ELFN2: variants seen among roughly 807,000 people sequenced by gnomAD.
The protein encoded by ELFN2 is protein phosphatase 1 regulatory subunit 29.
In ELFN2, 17 loss-of-function variants were observed where a neutral mutation model predicts 45.5. The observed-to-expected ratio is 0.37, with a 90% CI of 0.26 to 0.56. The LOEUF is 0.56. ELFN2 is among the 20% of genes least tolerant of loss of function. ELFN2 has a pLI of 0.77. For missense variants in ELFN2, 922 were observed against 1,183.2 expected, an observed-to-expected ratio of 0.78 and a Z score of 3.24; for synonymous variants, 550 against 551.5, an observed-to-expected ratio of 1.00 and a Z score of 0.04.
chr22:37,391,127 T>C (rs1490143495), intron 2 of ELFN2, among the ~76,000 whole-genome samples: 1 of 152,176 alleles, frequency 6.6e-6, no homozygotes, highest in Non-Finnish European at 1.5e-5. Context: ...GGCCTTCTGG[T>C]TGGGGCTCTG....
At chr22:37,412,025 C>G (rs1057356663) in intron 2 of ELFN2, among the ~76,000 whole-genome samples, 3 of 151,966 alleles carry the variant, frequency 2.0e-5, no homozygotes, top group Non-Finnish European at 4.4e-5. Context: ...AGAGGACCAT[C>G]TCTCCTCCGA....
intron 1 of ELFN2, among the ~76,000 whole-genome samples, chr22:37,348,781 G>GGGAGAGGACATGGAGGTCAGCC (rs1930754146): frequency 1.3e-5 from 2 of 150,742 alleles, no homozygotes; most frequent in African/African-American, 4.8e-5. Flanking sequence ...GGGGGAAGGT[G>GGGAGAGGACATGGAGGTCAGCC]GGAGAGGACA....
At chr22:37,379,179 C>T (rs555040277) in intron 2 of ELFN2, among the ~76,000 whole-genome samples, 3 of 152,266 alleles carry the variant, frequency 2.0e-5, no homozygotes, top group South Asian at 2.1e-4. Flanking sequence ...ACAGAGGCAC[C>T]GACGGCAGTG....
At chr22:37,392,030 G>A (rs1290407942) in intron 2 of ELFN2, among the ~76,000 whole-genome samples, 2 of 152,192 alleles carry the variant, frequency 1.3e-5, no homozygotes, top group Admixed American at 6.5e-5. Context: ...ATAACCCACG[G>A]GCAACTCCCC....
At chr22:37,425,074 G>A (rs1932838112) in intron 1 of ELFN2, among the ~76,000 whole-genome samples, 1 of 152,188 alleles carries the variant, frequency 6.6e-6, no homozygotes, top group African/African-American at 2.4e-5. Context: ...ACAGAAAGCA[G>A]CAAAATGGGA....
Position 37,374,184 on chromosome 22 carries a change from A to G in ELFN2, c.1351T>C (p.Ser451Pro). The G allele has an allele frequency of 6.2e-7, 1 of 1,612,800 alleles. No individual in the cohort carries two copies. ...AGCTTCTGGGCGGCGTGCACAATGGAGCCGGCATCCACATCAGCCCCGTAG... is the reference window on the plus strand; with the variant it reads ...AGCTTCTGGGCGGCGTGCACAATGGGGCCGGCATCCACATCAGCCCCGTAG... ...MRYGADVDAG[S>P]IVHAAQKLGE... is the part of the protein sequence containing the mutation. The change falls in exon 3 of 3, where the codon TCC becomes CCC. Residue 451 changes from serine to proline, a missense_variant. Coordinates refer to ENST00000402918, the MANE Select transcript of ELFN2 (RefSeq NM_052906.5).
intron 2 of ELFN2, among the ~76,000 whole-genome samples, chr22:37,384,272 C>T (rs569131070): frequency 2.6e-5 from 4 of 152,116 alleles, no homozygotes; most frequent in Non-Finnish European, 5.9e-5. Flanking sequence ...GAGCAGGGCC[C>T]ACTCCCTGGC....
At chr22:37,366,716 C>T (rs1363783268), downstream of ELFN2, among the ~76,000 whole-genome samples, 1 of 152,244 alleles carries the variant, frequency 6.6e-6, no homozygotes, top group African/African-American at 2.4e-5. Flanking sequence ...CCTCCTCCTC[C>T]CTTGGTGCAG....
Position 37,374,254 on chromosome 22 carries a change from C to G in ELFN2, c.1281G>C (p.Glu427Asp). Residue 427 changes from glutamate (E) to aspartate (D), a missense_variant, in exon 3 of 3, where the codon GAG becomes GAC. Physicochemically the swap from Glu to Asp is conservative, Grantham distance 45 (BLOSUM62 2). Transcript: ENST00000402918. ...TCTTGACGTTGACAGACTTCTGCTT[C>G]TCCTCCTGCATGCGCCGCTTGCGCA... ...YCLRKRRMQE[E>D]KQKSVNVKKT... 1.2e-6 allele frequency: 2 copies of G among 1,614,010 alleles called. No individual in the cohort carries two copies. Among genetic ancestry groups the G allele is most frequent in the Non-Finnish European group, 1.7e-6 (2 of 1,180,048 alleles).
intron 1 of ELFN2, among the ~76,000 whole-genome samples, chr22:37,344,330 G>C (rs73164575): frequency 0.048 from 7,231 of 149,702 alleles, 235 homozygotes; most frequent in Middle Eastern, 0.13. Context: ...TACACACACT[G>C]CTCCCACAGA....
intron 1 of ELFN2, among the ~76,000 whole-genome samples, chr22:37,420,060 C>T (rs936838962): frequency 1.1e-4 from 16 of 152,298 alleles, no homozygotes; most frequent in African/African-American, 3.8e-4. Flanking sequence ...GCCAGCCGGG[C>T]GCAAGTTCCG....
intron 2 of ELFN2, among the ~76,000 whole-genome samples, chr22:37,383,679 G>C (rs566977830): frequency 6.6e-6 from 1 of 152,222 alleles, no homozygotes; most frequent in Non-Finnish European, 1.5e-5. Context: ...CGTTGCTTAC[G>C]CGTTCCACAT....
intron 2 of ELFN2, among the ~76,000 whole-genome samples, chr22:37,387,767 T>C (rs1474406741): frequency 6.6e-6 from 1 of 151,656 alleles, no homozygotes; most frequent in African/African-American, 2.4e-5. Flanking sequence ...GCTCACTGCC[T>C]CTCTCAAACC....
At chr22:37,363,692 C>A (rs9607453), downstream of ELFN2, among the ~76,000 whole-genome samples, 51,637 of 152,042 alleles carry the variant, frequency 0.34, 9,056 homozygotes, top group South Asian at 0.5. Flanking sequence ...GGAGGTTGGG[C>A]CCTAGGAGTC....
chr22:37,412,832 G>T (rs891719278), intron 2 of ELFN2, among the ~76,000 whole-genome samples: 3 of 152,204 alleles, frequency 2.0e-5, no homozygotes, highest in Non-Finnish European at 4.4e-5. Context: ...TGGGAGCCCG[G>T]CACTCTAAGC....
chr22:37,416,513 T>G (rs1419067554), intron 2 of ELFN2, among the ~76,000 whole-genome samples: 1 of 152,044 alleles, frequency 6.6e-6, no homozygotes, highest in African/African-American at 2.4e-5. Flanking sequence ...GATGAGAGAC[T>G]TATGAGATCA....
intron 1 of ELFN2, among the ~76,000 whole-genome samples, chr22:37,351,900 C>T (rs1463163800): frequency 6.6e-6 from 1 of 151,132 alleles, no homozygotes; most frequent in Non-Finnish European, 1.5e-5. Context: ...AGCAGATTCT[C>T]TCCTTCCTGT....
At chr22:37,392,813 C>A (rs146138499) in intron 2 of ELFN2, among the ~76,000 whole-genome samples, 1 of 152,290 alleles carries the variant, frequency 6.6e-6, no homozygotes, top group East Asian at 1.9e-4. Context: ...CCCATCTGTT[C>A]CCTGGTTTAT....
chr22:37,419,798 A>C (rs1364998417), intron 1 of ELFN2, among the ~76,000 whole-genome samples: 1 of 151,998 alleles, frequency 6.6e-6, no homozygotes, highest in Non-Finnish European at 1.5e-5. Context: ...AGGGCAGTTC[A>C]CGCGGCGCGT....
Sources: allele counts gnomAD v4.1 joint callset (sites outside exome capture counted in the v4.1 genomes callset), GRCh38; gene constraint gnomAD v4.1.1; transcripts MANE v1.5; gene names NCBI Gene and HGNC (gene_info 2026-07-23, HGNC 2026-07-21).